The following SDK1 variants were observed in gnomAD, a reference collection of about 807,000 sequenced individuals.
SDK1 encodes the protein protein sidekick-1.
Under a neutral mutation model 245.5 loss-of-function variants are expected in SDK1, and 157 were observed. The ratio of observed to expected loss-of-function variants is 0.64; its 90% CI spans 0.56 to 0.73. The LOEUF is 0.73. SDK1 is among the 30% of genes least tolerant of loss of function. SDK1 has a pLI of 0.00. For synonymous variants in SDK1, 1,647 were observed against 1,278.5 expected, an observed-to-expected ratio of 1.29 and a Z score of -6.15; for missense variants, 3,583 against 3,002.3, an observed-to-expected ratio of 1.19 and a Z score of -4.52.
chr7:3,506,759 A>C (rs1294344735), intron 1 of SDK1, among the ~76,000 whole-genome samples: 2 of 151,336 alleles, frequency 1.3e-5, no homozygotes, highest in South Asian at 2.1e-4. Context: ...GGAGTATTCC[A>C]GTTCAGGTGT....
intron 31 of SDK1, among the ~76,000 whole-genome samples, chr7:4,159,193 C>T (rs1780963306): frequency 6.6e-6 from 1 of 152,220 alleles, no homozygotes; most frequent in Non-Finnish European, 1.5e-5. Flanking sequence ...CGCAACCTAT[C>T]CCCAAAGCAC....
intron 5 of SDK1, among the ~76,000 whole-genome samples, chr7:3,863,667 T>C (rs1438406614): frequency 6.6e-6 from 1 of 152,196 alleles, no homozygotes; most frequent in Non-Finnish European, 1.5e-5. Context: ...GTGAAGGTCA[T>C]AGAAGCAGAA....
intron 13 of SDK1, among the ~76,000 whole-genome samples, chr7:3,983,706 A>C (rs1455040728): frequency 2.0e-5 from 3 of 152,228 alleles, no homozygotes; most frequent in Non-Finnish European, 1.5e-5. Flanking sequence ...ATTATGAAAC[A>C]GGTGATATTG....
chr7:3,857,450 T>C (rs918504489), intron 5 of SDK1, among the ~76,000 whole-genome samples: 5 of 152,010 alleles, frequency 3.3e-5, no homozygotes, highest in African/African-American at 1.2e-4. Context: ...TGGGAGGACA[T>C]GGCAGGGGGA....
chr7:3,481,815 C>T (rs527399893), intron 1 of SDK1, among the ~76,000 whole-genome samples: 9 of 152,308 alleles, frequency 5.9e-5, no homozygotes, highest in African/African-American at 2.2e-4. Context: ...AACTGTCCTA[C>T]CTTTTGTGAA....
intron 10 of SDK1, among the ~76,000 whole-genome samples, chr7:3,968,768 T>A (rs1782262774): frequency 1.3e-5 from 2 of 152,254 alleles, no homozygotes; most frequent in South Asian, 4.1e-4. Flanking sequence ...TTATTTCTTT[T>A]CCTACAATTT....
intron 1 of SDK1, among the ~76,000 whole-genome samples, chr7:3,416,778 C>T (rs940093238): frequency 3.3e-5 from 5 of 152,204 alleles, no homozygotes; most frequent in South Asian, 2.1e-4. Flanking sequence ...GACCATGCCT[C>T]GAATAAAGCC....
At chr7:3,944,552 T>C (rs905203673) in intron 5 of SDK1, among the ~76,000 whole-genome samples, 1 of 152,226 alleles carries the variant, frequency 6.6e-6, no homozygotes, top group East Asian at 1.9e-4. Flanking sequence ...ATCTCAGATA[T>C]GCAAATAATA....
intron 5 of SDK1, among the ~76,000 whole-genome samples, chr7:3,930,444 A>C (rs2128117136): frequency 6.6e-6 from 1 of 152,322 alleles, no homozygotes; most frequent in East Asian, 1.9e-4. Flanking sequence ...TTTGAGAAGC[A>C]CTGACATGGA....
At chr7:3,526,561 A>G (rs1303448739) in intron 1 of SDK1, among the ~76,000 whole-genome samples, 1 of 152,128 alleles carries the variant, frequency 6.6e-6, no homozygotes, top group Non-Finnish European at 1.5e-5. Context: ...GTTTGGTGGA[A>G]TTCTATTTTT....
At chr7:3,961,800 G>T (rs1356012371) in intron 8 of SDK1, among the ~76,000 whole-genome samples, 1 of 152,112 alleles carries the variant, frequency 6.6e-6, no homozygotes, top group African/African-American at 2.4e-5. Flanking sequence ...CAGGTGCCGG[G>T]CATGAGTTTT....
At chr7:3,754,791 A>G (rs1779874230) in intron 4 of SDK1, among the ~76,000 whole-genome samples, 1 of 152,206 alleles carries the variant, frequency 6.6e-6, no homozygotes, top group African/African-American at 2.4e-5. Context: ...GATTCACTAA[A>G]CAGCTAGTGT....
chr7:3,834,410 G>A (rs1779984751), intron 5 of SDK1, among the ~76,000 whole-genome samples: 1 of 152,230 alleles, frequency 6.6e-6, no homozygotes, highest in Non-Finnish European at 1.5e-5. Context: ...ACGAAAGGGA[G>A]TTGTGTAGAA....
At position 3,676,778 on chromosome 7, in the gene SDK1, T is replaced by G. The variant is rs1220977171; in HGVS notation, c.713+34673T>G. The stretch of plus-strand genomic sequence containing the variant: ...AGCAACATTTATTGAATAGGGAATC[T>G]TTACTCCATTGCTTATTTTTGTTGA... On this transcript the variant is annotated intron_variant, in intron 4 of 44. Coordinates refer to ENST00000404826, the MANE Select transcript of SDK1 (RefSeq NM_152744.4). 9.2e-5 allele frequency among the ~76,000 whole-genome samples: 14 copies of G among 152,358 alleles called. No individual in the cohort carries two copies. The East Asian group carries it at 1.9e-3, about 21-fold the overall frequency.
chr7:3,443,943 G>A (rs1780269749), intron 1 of SDK1, among the ~76,000 whole-genome samples: 1 of 152,120 alleles, frequency 6.6e-6, no homozygotes, highest in Non-Finnish European at 1.5e-5. Context: ...ATTAACAAAT[G>A]GTTTAATAAC....
intron 1 of SDK1, among the ~76,000 whole-genome samples, chr7:3,557,436 G>A (rs1779622087): frequency 6.6e-6 from 1 of 152,196 alleles, no homozygotes; most frequent in African/African-American, 2.4e-5. Context: ...TGGAGAGAGG[G>A]TAGTGGCTAT....
chr7:3,758,796 C>T (rs1251807818), intron 4 of SDK1, among the ~76,000 whole-genome samples: 3 of 152,180 alleles, frequency 2.0e-5, no homozygotes, highest in East Asian at 3.9e-4. Flanking sequence ...TGTGCTGTCA[C>T]ATCCTCTAGG....
intron 1 of SDK1, among the ~76,000 whole-genome samples, chr7:3,404,748 A>G (rs1779004928): frequency 6.6e-6 from 1 of 152,194 alleles, no homozygotes. Context: ...ACAATATGGG[A>G]GGCTTTTAAA....
chr7:3,390,163 G>A (rs181670123), intron 1 of SDK1, among the ~76,000 whole-genome samples: 2 of 152,304 alleles, frequency 1.3e-5, no homozygotes, highest in East Asian at 3.9e-4. Context: ...ATAGTAAAAT[G>A]TGAGAAGAAA....
Sources: allele counts gnomAD v4.1 joint callset (sites outside exome capture counted in the v4.1 genomes callset), GRCh38; gene constraint gnomAD v4.1.1; transcripts MANE v1.5; gene names NCBI Gene and HGNC (gene_info 2026-07-23, HGNC 2026-07-21).